CAST: variants seen among roughly 807,000 people sequenced by gnomAD.
The protein encoded by CAST is calpastatin, also known as MIR583 host.
CAST carries 76 observed loss-of-function variants against 119.6 expected under a neutral mutation model. The ratio of observed to expected loss-of-function variants is 0.64; its 90% CI spans 0.53 to 0.77. CAST has a LOEUF of 0.77. Ranked by LOEUF, CAST falls within the 30% of genes least tolerant of loss-of-function variation. The probability of loss-of-function intolerance (pLI) is 0.00; values close to 1 mark genes in which losing one functional copy is unlikely to be tolerated. For missense variants in CAST, 953 were observed against 946.5 expected (o/e 1.01, Z -0.09); for synonymous variants, 319 against 331.6 (o/e 0.96, Z 0.41).
At chr5:96,134,707 A>G in the CAST span, among the ~76,000 whole-genome samples, 3 of 152,260 alleles carry the variant, frequency 2.0e-5, no homozygotes, top group Non-Finnish European at 4.4e-5. Flanking sequence ...ATCTAAATAA[A>G]GAAGTCTCTC....
intron 1 of CAST, among the ~76,000 whole-genome samples, chr5:96,590,439 C>T (rs1014016918): frequency 6.6e-6 from 1 of 152,144 alleles, no homozygotes; most frequent in Non-Finnish European, 1.5e-5. Flanking sequence ...CTCTCTCAAC[C>T]CTTGGAGCAG....
the CAST span, chr5:96,390,370 A>G: frequency 6.6e-6 from 1 of 152,196 alleles, no homozygotes; most frequent in Non-Finnish European, 1.5e-5. Context: ...CTTTTGACTT[A>G]GTGAGAAACA....
chr5:96,580,501 A>G (rs1746751716), intron 1 of CAST, among the ~76,000 whole-genome samples: 1 of 152,198 alleles, frequency 6.6e-6, no homozygotes. Context: ...ATGCTCTACT[A>G]CAGTGTTTCT....
the CAST span, among the ~76,000 whole-genome samples, chr5:96,372,736 T>C: frequency 5.1e-4 from 78 of 152,342 alleles, no homozygotes; most frequent in African/African-American, 1.8e-3. Flanking sequence ...TTCCTAAGGC[T>C]GCACCTTGGG....
At chr5:96,158,663 C>T in the CAST span, among the ~76,000 whole-genome samples, 5 of 152,256 alleles carry the variant, frequency 3.3e-5, no homozygotes, top group East Asian at 1.9e-4. Context: ...ATATTTGACA[C>T]TTTATTTGTA....
At chr5:96,688,243 TAAA>T (rs1752302524) in intron 2 of CAST, among the ~76,000 whole-genome samples, 1 of 152,216 alleles carries the variant, frequency 6.6e-6, no homozygotes, top group South Asian at 2.1e-4. Flanking sequence ...CTTTGAATAA[TAAA>T]AACTCACCAA....
chr5:96,141,230 C>T, the CAST span, among the ~76,000 whole-genome samples: 1 of 152,018 alleles, frequency 6.6e-6, no homozygotes, highest in Non-Finnish European at 1.5e-5. Context: ...AGTATATTGA[C>T]CTGTTTTGTT....
rs1338126363 is a variant in CAST, at chr5:96,729,316, A to G, written c.435+107A>G. Reference sequence around the variant, plus strand: ...TAATCCCTACAATGGATAGTTGGATATTAGTTTTTTCAGCTAAAATGGTGC... The same window carrying G: ...TAATCCCTACAATGGATAGTTGGATGTTAGTTTTTTCAGCTAAAATGGTGC... On this transcript the variant is annotated intron_variant, in intron 7 of 31. Coordinates refer to ENST00000675179, the MANE Select transcript of CAST (RefSeq NM_001750.7). The G allele has an allele frequency of 4.4e-6, 3 of 680,576 alleles. No homozygotes were observed. In the Admixed American group the frequency reaches 8.5e-5, roughly 19 times the overall value. The allele number at this position is 680,576 out of a possible 1,614,324, so 42.2% of individuals were successfully genotyped here.
At chr5:96,579,019 G>A (rs183045894) in intron 1 of CAST, among the ~76,000 whole-genome samples, 17 of 152,264 alleles carry the variant, frequency 1.1e-4, no homozygotes, top group Admixed American at 9.2e-4. Context: ...AGTGGAAGGG[G>A]TTTCCCTAGA....
At chr5:96,440,880 T>C in the CAST span, among the ~76,000 whole-genome samples, 4 of 152,304 alleles carry the variant, frequency 2.6e-5, no homozygotes, top group Admixed American at 2.6e-4. Context: ...CTGACACTAT[T>C]TGATAAACTG....
chr5:96,505,349 G>A, the CAST span, among the ~76,000 whole-genome samples: 4 of 152,102 alleles, frequency 2.6e-5, no homozygotes, highest in African/African-American at 7.2e-5. Flanking sequence ...GCATGGTGGC[G>A]GGTGCCTGTA....
the CAST span, among the ~76,000 whole-genome samples, chr5:96,296,104 C>T: frequency 3.9e-5 from 6 of 152,026 alleles, no homozygotes; most frequent in Admixed American, 3.3e-4. Context: ...TATAGTTTTT[C>T]CTGTTTAAGA....
At chr5:96,458,339 C>T in the CAST span, among the ~76,000 whole-genome samples, 2 of 152,122 alleles carry the variant, frequency 1.3e-5, no homozygotes, top group Non-Finnish European at 2.9e-5. Context: ...TACCGTATGG[C>T]CTGCAAAGTC....
At chr5:96,645,303 T>C (rs1215162877) in intron 1 of CAST, among the ~76,000 whole-genome samples, 1 of 152,170 alleles carries the variant, frequency 6.6e-6, no homozygotes, top group African/African-American at 2.4e-5. Flanking sequence ...ACATTCCACA[T>C]GAGATCCACA....
the CAST span, among the ~76,000 whole-genome samples, chr5:96,488,792 T>C: frequency 4.6e-4 from 69 of 151,286 alleles, no homozygotes; most frequent in African/African-American, 1.6e-3. Context: ...TGTCCTGGCA[T>C]TAAGAAAAGT....
At chr5:96,154,301 CAAA>C in the CAST span, among the ~76,000 whole-genome samples, 1 of 147,888 alleles carries the variant, frequency 6.8e-6, no homozygotes, top group East Asian at 2.0e-4. Flanking sequence ...AAAAAAAAAA[CAAA>C]AAAAAACATA....
the CAST span, among the ~76,000 whole-genome samples, chr5:96,056,454 C>T: frequency 6.6e-6 from 1 of 152,184 alleles, no homozygotes; most frequent in Non-Finnish European, 1.5e-5. Flanking sequence ...GATGCACGAA[C>T]TGGCTCCAAA....
At chr5:96,740,986 A>G in intron 13 of CAST, 1 of 596,366 alleles carries the variant, frequency 1.7e-6, no homozygotes, top group South Asian at 2.2e-5. Flanking sequence ...TTTGAGGGAA[A>G]GGAGAAAGAA....
At chr5:96,147,521 T>A in the CAST span, among the ~76,000 whole-genome samples, 1 of 152,090 alleles carries the variant, frequency 6.6e-6, no homozygotes, top group South Asian at 2.1e-4. Context: ...GAGAATGGCG[T>A]GAACCTGGGA....
Sources: allele counts gnomAD v4.1 joint callset (sites outside exome capture counted in the v4.1 genomes callset), GRCh38; gene constraint gnomAD v4.1.1; transcripts MANE v1.5; gene names NCBI Gene and HGNC (gene_info 2026-07-23, HGNC 2026-07-21).